VWA2: variants seen among roughly 807,000 people sequenced by gnomAD.
VWA2 encodes the protein von Willebrand factor A domain-containing protein 2.
A neutral mutation model predicts 70.4 loss-of-function variants in VWA2; 73 were observed. That is an observed-to-expected ratio of 1.04 (90% CI 0.86 to 1.26). VWA2 has a LOEUF of 1.26. Ranked by LOEUF, VWA2 falls within the 50% of genes most tolerant of loss-of-function variation. VWA2 has a pLI of 0.00. For synonymous variants in VWA2, 407 were observed against 423.3 expected (o/e 0.96, Z 0.47); for missense variants, 1,011 against 998.5 (o/e 1.01, Z -0.17).
intron 1 of VWA2, chr10:114,246,275 C>T (rs1242513765): frequency 6.0e-6 from 4 of 664,842 alleles, no homozygotes; most frequent in Non-Finnish European, 1.1e-5. Flanking sequence ...CCGAGGCGGT[C>T]GTATCACCTG....
chr10:114,241,103 CA>C (rs2036967320), intron 1 of VWA2, among the ~76,000 whole-genome samples: 1 of 152,138 alleles, frequency 6.6e-6, no homozygotes, highest in Non-Finnish European at 1.5e-5. Context: ...CAAAATTGAG[CA>C]GAAGGTACAG....
chr10:114,247,920 G>C (rs2037107591), intron 1 of VWA2, among the ~76,000 whole-genome samples: 1 of 151,152 alleles, frequency 6.6e-6, no homozygotes. Flanking sequence ...GGGTGGTGAA[G>C]TTTTTTTTTA....
At chr10:114,273,649 A>G (rs917993305) in intron 6 of VWA2, among the ~76,000 whole-genome samples, 1 of 152,222 alleles carries the variant, frequency 6.6e-6, no homozygotes, top group Non-Finnish European at 1.5e-5. Context: ...GTTAAGTGAA[A>G]TGACTCTGGT....
At chr10:114,256,920 A>T (rs1242815281) in intron 4 of VWA2, among the ~76,000 whole-genome samples, 1 of 151,676 alleles carries the variant, frequency 6.6e-6, no homozygotes, top group Non-Finnish European at 1.5e-5. Flanking sequence ...AAAAAAAAAA[A>T]AAAAAAAAAA....
At chr10:114,271,730 G>A (rs2037715569) in intron 5 of VWA2, among the ~76,000 whole-genome samples, 2 of 152,174 alleles carry the variant, frequency 1.3e-5, no homozygotes. Flanking sequence ...GGTAGGCATT[G>A]CCTTAATTTA....
chr10:114,259,255 G>A (rs1012874896), intron 4 of VWA2, among the ~76,000 whole-genome samples: 1 of 152,134 alleles, frequency 6.6e-6, no homozygotes, highest in African/African-American at 2.4e-5. Context: ...GAGGCCAGGT[G>A]TCTTTCCATC....
intron 2 of VWA2, among the ~76,000 whole-genome samples, chr10:114,250,638 A>G (rs532339225): frequency 6.6e-6 from 1 of 152,376 alleles, no homozygotes; most frequent in Non-Finnish European, 1.5e-5. Context: ...CGAGGATCAG[A>G]AATGCTGGTG....
At chr10:114,260,093 C>A (rs2037412984) in intron 4 of VWA2, among the ~76,000 whole-genome samples, 2 of 152,160 alleles carry the variant, frequency 1.3e-5, no homozygotes, top group African/African-American at 2.4e-5. Flanking sequence ...GCACTCTTGG[C>A]CAGAACTAGG....
chr10:114,291,559 G>A lies in VWA2; in HGVS notation c.*322G>A. On this transcript the variant is annotated 3_prime_UTR_variant, in exon 14 of 14. Transcript: ENST00000392982. ...CTATGTCATCTGCCACCTTTCCCTT[G>A]AGGATAAACAAGGGGTCCTGAAGAC... 1 of 328,466 alleles carries A rather than the reference G, an allele frequency of 3.0e-6. No individual in the cohort carries two copies. The highest frequency in any genetic ancestry group is 5.6e-6 in the Non-Finnish European group (1 of 178,832). The allele number at this position is 328,466 out of a possible 1,614,324, so 20.3% of individuals were successfully genotyped here. A position where few individuals can be genotyped will look rare whatever the true frequency, so the allele number is the denominator to read the frequency against.
intron 12 of VWA2, chr10:114,289,927 G>T (rs2039390319): frequency 3.2e-6 from 1 of 316,894 alleles, no homozygotes; most frequent in Non-Finnish European, 5.9e-6. Flanking sequence ...GGGAGGTGGA[G>T]GTTGTGGTGA....
At chr10:114,264,127 C>T (rs928879949) in intron 5 of VWA2, among the ~76,000 whole-genome samples, 2 of 152,236 alleles carry the variant, frequency 1.3e-5, no homozygotes, top group Non-Finnish European at 2.9e-5. Flanking sequence ...ATAGATTTAG[C>T]ATATGACCCA....
At chr10:114,258,820 C>G (rs1174109060) in intron 4 of VWA2, among the ~76,000 whole-genome samples, 1 of 152,210 alleles carries the variant, frequency 6.6e-6, no homozygotes, top group African/African-American at 2.4e-5. Flanking sequence ...TCTCTTATTA[C>G]ACAAAGCGTA....
At position 114,289,408 on chromosome 10, in the gene VWA2, C is replaced by T; in HGVS notation, c.2041C>T (p.Pro681Ser). 3.7e-6 allele frequency: 6 copies of T among 1,614,194 alleles called. No homozygotes were observed. The highest frequency in any genetic ancestry group is 4.2e-6 in the Non-Finnish European group (5 of 1,180,038). ...LSEGLRRLAG[P>S]RDSLIHVAAY... ...TGAGGGTCTGCGGAGGCTTGCAGGT[C>T]CCCGGGATTCCCTGATCCACGTGGC... is the stretch of plus-strand genomic sequence containing the variant. Residue 681 changes from proline (P) to serine (S), a missense_variant, in exon 12 of 14, where the codon CCC becomes TCC. Pro to Ser is a moderately conservative substitution (Grantham distance 74, BLOSUM62 -1). Coordinates refer to ENST00000392982, the MANE Select transcript of VWA2 (RefSeq NM_001272046.2).
At chr10:114,271,306 C>G (rs2037702504) in intron 5 of VWA2, among the ~76,000 whole-genome samples, 1 of 152,194 alleles carries the variant, frequency 6.6e-6, no homozygotes, top group African/African-American at 2.4e-5. Flanking sequence ...GTTGTCAGCT[C>G]TTGTTGACAC....
intron 4 of VWA2, among the ~76,000 whole-genome samples, chr10:114,257,181 G>C (rs1045491019): frequency 1.3e-5 from 2 of 152,062 alleles, no homozygotes; most frequent in Non-Finnish European, 2.9e-5. Context: ...ACCATAGCAG[G>C]CATCATTTAA....
Position 114,289,358 on chromosome 10 carries a change from T to G in VWA2, c.1991T>G (p.Val664Gly). 1 of 1,614,226 alleles carries G rather than the reference T, an allele frequency of 6.2e-7. No homozygotes were observed. The highest frequency in any genetic ancestry group is 8.5e-7 in the Non-Finnish European group (1 of 1,180,038). Residue 664 changes from valine to glycine, a missense_variant, in exon 12 of 14, where the codon GTC becomes GGC. Val to Gly is a moderately radical substitution (Grantham distance 109). Coordinates refer to ENST00000392982, the MANE Select transcript of VWA2 (RefSeq NM_001272046.2). The stretch of plus-strand genomic sequence containing the variant: ...AGGAACAATGGCATCTCTGTCTTGG[T>G]CGTGGGCGTGGGGCCTGTCCTAAGT... ...KLRNNGISVL[V>G]VGVGPVLSEG...
intron 1 of VWA2, among the ~76,000 whole-genome samples, chr10:114,239,895 A>G (rs763406151): frequency 6.6e-6 from 1 of 152,172 alleles, no homozygotes; most frequent in Non-Finnish European, 1.5e-5. Flanking sequence ...GGCTCCGGGT[A>G]CAGGGGTGGA....
rs887635332 is a variant in VWA2 at position 114,289,141 on chromosome 10, G to A, written c.1774G>A (p.Ala592Thr). Residue 592 changes from alanine to threonine, a missense_variant, in exon 12 of 14, where the codon GCT becomes ACT. Ala to Thr is a moderately conservative substitution (Grantham distance 58, BLOSUM62 0). Coordinates refer to ENST00000392982, the MANE Select transcript of VWA2 (RefSeq NM_001272046.2). ...AFGLDTKPTRAAMLRAISQAP... is the reference protein window; with the variant it reads ...AFGLDTKPTRTAMLRAISQAP... ...CGGGCTGGACACCAAACCCACCCGG[G>A]CTGCGATGCTGCGGGCCATTAGCCA... The A allele has an allele frequency of 6.2e-7, 1 of 1,613,838 alleles. No homozygotes were observed. Among genetic ancestry groups the A allele is most frequent in the African/African-American group, 1.3e-5 (1 of 75,052 alleles).
chr10:114,248,372 G>A (rs2037119479), intron 1 of VWA2, among the ~76,000 whole-genome samples: 1 of 152,148 alleles, frequency 6.6e-6, no homozygotes, highest in Non-Finnish European at 1.5e-5. Context: ...GCTAGTCAGG[G>A]CCCAGGCAGA....
Sources: gnomAD v4.1 joint callset for allele counts (sites outside exome capture counted in the v4.1 genomes callset) on GRCh38, gnomAD v4.1.1 for gene constraint, MANE v1.5 for transcripts, NCBI Gene and HGNC (gene_info 2026-07-23, HGNC 2026-07-21) for gene names.